The following NT5DC1 variants were observed in gnomAD, a reference collection of about 807,000 sequenced individuals.
The protein encoded by NT5DC1 is 5'-nucleotidase domain containing 1.
A neutral mutation model predicts 59.4 loss-of-function variants in NT5DC1; 42 were observed. The observed-to-expected ratio is 0.71, with a 90% CI of 0.55 to 0.92. NT5DC1 has a LOEUF of 0.92. NT5DC1 is among the 40% of genes least tolerant of loss of function. The pLI is 0.00. For missense variants in NT5DC1, 501 were observed against 537.1 expected, an observed-to-expected ratio of 0.93 and a Z score of 0.66; for synonymous variants, 172 against 188.1, an observed-to-expected ratio of 0.91 and a Z score of 0.70.
At chr6:116,236,916 G>A (rs896444286) in intron 8 of NT5DC1, 50 bp from the exon 9 acceptor site, 2 of 1,173,074 alleles carry the variant, frequency 1.7e-6, no homozygotes, top group Admixed American at 1.7e-5. Flanking sequence ...TGCCCAACTG[G>A]CTACTCTCAC....
At position 116,100,986 on chromosome 6, in the gene NT5DC1, A is replaced by C; in HGVS notation, c.56A>C (p.His19Pro). Residue 19 changes from histidine to proline, a missense_variant, in exon 1 of 12, where the codon CAC (histidine) becomes CCC (proline). Physicochemically the swap from His to Pro is moderately conservative, Grantham distance 77 (BLOSUM62 -2). Transcript: ENST00000319550. ...ACDVVGFDLDHTLCRYNLPES... is the reference protein window; with the variant it reads ...ACDVVGFDLDPTLCRYNLPES... ...GACGTGGTCGGATTCGACCTGGACC[A>C]CACTCTGTGTCGCTACAACCTGCCC... 1 of 1,605,476 alleles carries C rather than the reference A, an allele frequency of 6.2e-7. No individual in the cohort carries two copies. Among genetic ancestry groups the C allele is most frequent in the Non-Finnish European group, 8.5e-7 (1 of 1,177,032 alleles).
intron 6 of NT5DC1, among the ~76,000 whole-genome samples, chr6:116,166,853 G>T (rs1395261062): frequency 6.6e-6 from 1 of 152,110 alleles, no homozygotes; most frequent in Non-Finnish European, 1.5e-5. Flanking sequence ...CTGAAATTCT[G>T]AAATGTCTGG....
At chr6:116,224,704 G>C (rs1781874389) in intron 8 of NT5DC1, among the ~76,000 whole-genome samples, 1 of 152,224 alleles carries the variant, frequency 6.6e-6, no homozygotes, top group South Asian at 2.1e-4. Context: ...ACATGGTCAT[G>C]GGGTGGGAGG....
intron 6 of NT5DC1, among the ~76,000 whole-genome samples, chr6:116,220,198 C>T (rs940351991): frequency 3.0e-5 from 4 of 135,426 alleles, no homozygotes; most frequent in African/African-American, 5.6e-5. Context: ...ATCTTGAATC[C>T]TTTTTATCTG....
At chr6:116,183,968 G>A (rs921270774) in intron 6 of NT5DC1, among the ~76,000 whole-genome samples, 39 of 152,026 alleles carry the variant, frequency 2.6e-4, no homozygotes, top group African/African-American at 9.4e-4. Context: ...GGGCATCTTT[G>A]TCTTTTTCCA....
At chr6:116,141,235 GA>G (rs1779756332) in intron 6 of NT5DC1, among the ~76,000 whole-genome samples, 2 of 151,412 alleles carry the variant, frequency 1.3e-5, no homozygotes, top group Admixed American at 1.3e-4. Context: ...TCAAATACCT[GA>G]TTGTACCTTT....
At chr6:116,241,000 C>T (rs949268398) in intron 11 of NT5DC1, among the ~76,000 whole-genome samples, 2 of 151,808 alleles carry the variant, frequency 1.3e-5, no homozygotes, top group African/African-American at 2.4e-5. Context: ...AAAAATTAGC[C>T]GGGTGTGGTA....
At chr6:116,133,804 AC>A (rs1779524410) in intron 6 of NT5DC1, among the ~76,000 whole-genome samples, 1 of 151,846 alleles carries the variant, frequency 6.6e-6, no homozygotes, top group Admixed American at 6.6e-5. Flanking sequence ...GCCTTTTTGC[AC>A]CCTGGTTTCC....
rs148387110 is a variant in NT5DC1 at position 116,179,637 on chromosome 6, T to A, written c.530-41417T>A. Among the ~76,000 whole-genome samples the A allele has an allele frequency of 1.9e-3, 292 of 152,218 alleles. 4 individuals carry two copies. The highest frequency in any genetic ancestry group is 6.4e-3 in the African/African-American group (267 of 41,562). On this transcript the variant is annotated intron_variant, in intron 6 of 11. Transcript: ENST00000319550. ...TAAATTGTTTTCATCATTCCCAGTG[T>A]TATCAAAAAGAATAACGGGTTTTGA...
chr6:116,115,634 A>G (rs1037385991), intron 4 of NT5DC1, 57 bp from the exon 5 acceptor site: 25 of 836,926 alleles, frequency 3.0e-5, no homozygotes, highest in Middle Eastern at 4.5e-4. Flanking sequence ...ATTCCTGTGT[A>G]TTTCACATGC....
rs757724564 is a variant in NT5DC1 at position 116,219,056 on chromosome 6, C to T, written c.530-1998C>T. Among the ~76,000 whole-genome samples the T allele has an allele frequency of 6.2e-4, 94 of 151,814 alleles. 1 individual carries two copies. The highest frequency in any genetic ancestry group is 9.8e-4 in the Admixed American group (15 of 15,260). Reference sequence around the variant, plus strand: ...TGTAATCACAGCACTTTCAGAGGCCCGAGGTGGGAGGATCACTTGAGCCCA... The same window carrying T: ...TGTAATCACAGCACTTTCAGAGGCCTGAGGTGGGAGGATCACTTGAGCCCA... On this transcript the variant is annotated intron_variant, in intron 6 of 11. Transcript: ENST00000319550.
chr6:116,167,355 G>A (rs979682381), intron 6 of NT5DC1, among the ~76,000 whole-genome samples: 4 of 151,844 alleles, frequency 2.6e-5, no homozygotes, highest in Non-Finnish European at 5.9e-5. Flanking sequence ...TGGGACTACA[G>A]GCATGCGCCA....
intron 6 of NT5DC1, among the ~76,000 whole-genome samples, chr6:116,185,390 G>T (rs1780974206): frequency 1.3e-5 from 2 of 152,044 alleles, no homozygotes; most frequent in African/African-American, 4.8e-5. Context: ...TTGTTCTAGG[G>T]TATAGTTTAA....
intron 4 of NT5DC1, among the ~76,000 whole-genome samples, chr6:116,111,421 T>G (rs1259421139): frequency 6.6e-6 from 1 of 152,238 alleles, no homozygotes; most frequent in Non-Finnish European, 1.5e-5. Flanking sequence ...TTTAACTATT[T>G]TTATTTTCTA....
At position 116,247,269 on chromosome 6, in the gene NT5DC1, C is replaced by T. The variant is rs1203427721; in HGVS notation, c.*3245C>T. 6.6e-6 allele frequency: 1 copy of T among 152,018 alleles called. No individual in the cohort carries two copies. The highest frequency in any genetic ancestry group is 6.5e-5 in the Admixed American group (1 of 15,268). The allele number at this position is 152,018 out of a possible 1,614,324, so 9.4% of individuals were successfully genotyped here. A position where few individuals can be genotyped will look rare whatever the true frequency, so the allele number is the denominator to read the frequency against. ...TATCTTTAAGTAATTCATAATTTAGCCAAATATATTAAATATCTGTAATAT... is the reference window on the plus strand; with the variant it reads ...TATCTTTAAGTAATTCATAATTTAGTCAAATATATTAAATATCTGTAATAT... On this transcript the variant is annotated 3_prime_UTR_variant, in exon 12 of 12. Transcript: ENST00000319550.
intron 6 of NT5DC1, among the ~76,000 whole-genome samples, chr6:116,218,632 G>T (rs1781734040): frequency 6.6e-6 from 1 of 152,036 alleles, no homozygotes; most frequent in African/African-American, 2.4e-5. Flanking sequence ...GGGAAACAGA[G>T]AATATATTTT....
At chr6:116,123,338 A>C (rs1779192347) in intron 6 of NT5DC1, among the ~76,000 whole-genome samples, 1 of 152,216 alleles carries the variant, frequency 6.6e-6, no homozygotes. Context: ...TTTGGCTTCT[A>C]TTGAATGCTT....
intron 8 of NT5DC1, among the ~76,000 whole-genome samples, 194 bp from the exon 9 acceptor site, chr6:116,236,772 A>G (rs1782121164): frequency 6.6e-6 from 1 of 152,156 alleles, no homozygotes; most frequent in Non-Finnish European, 1.5e-5. Flanking sequence ...ATTTTCCCCA[A>G]TTAAGAAGGC....
chr6:116,170,904 C>T (rs907179953), intron 6 of NT5DC1, among the ~76,000 whole-genome samples: 1 of 152,176 alleles, frequency 6.6e-6, no homozygotes. Flanking sequence ...AAGGTCACCT[C>T]CTCCCTTAAG....
Sources: gnomAD v4.1 joint callset for allele counts (sites outside exome capture counted in the v4.1 genomes callset) on GRCh38, gnomAD v4.1.1 for gene constraint, MANE v1.5 for transcripts, NCBI Gene and HGNC (gene_info 2026-07-23, HGNC 2026-07-21) for gene names.